DOCK1: variants seen among roughly 807,000 people sequenced by gnomAD.
DOCK1 encodes dedicator of cytokinesis protein 1.
A neutral mutation model predicts 262.7 loss-of-function variants in DOCK1; 138 were observed. The ratio of observed to expected loss-of-function variants is 0.53; its 90% CI spans 0.46 to 0.61. The LOEUF (loss-of-function observed/expected upper bound fraction) is 0.61, where lower values mean the gene tolerates loss of function less well. Ranked by LOEUF, DOCK1 falls within the 20% of genes least tolerant of loss-of-function variation. DOCK1 has a pLI of 0.00. For synonymous variants in DOCK1, 866 were observed against 867.4 expected, an observed-to-expected ratio of 1.00 and a Z score of 0.03; for missense variants, 1,908 against 2,370.7, an observed-to-expected ratio of 0.80 and a Z score of 4.05.
At chr10:127,004,776 C>G (rs1420073857) in intron 10 of DOCK1, among the ~76,000 whole-genome samples, 3 of 132,474 alleles carry the variant, frequency 2.3e-5, no homozygotes, top group Admixed American at 1.5e-4. Context: ...CCCGCCACCC[C>G]CCCGCCCCAA....
At chr10:127,439,705 A>C (rs952090744) in intron 49 of DOCK1, among the ~76,000 whole-genome samples, 4 of 152,148 alleles carry the variant, frequency 2.6e-5, no homozygotes, top group Non-Finnish European at 5.9e-5. Context: ...CAGAAGCTGG[A>C]CCCAGTCCTG....
intron 27 of DOCK1, among the ~76,000 whole-genome samples, chr10:127,156,535 TTTC>T (rs542677102): frequency 0.57 from 53,229 of 93,758 alleles, 18,008 homozygotes; most frequent in Middle Eastern, 0.79. Context: ...CTTTTCTCTT[TTTC>T]TTCTTCTTCT....
At chr10:127,041,351 G>T (rs1041948228) in intron 19 of DOCK1, among the ~76,000 whole-genome samples, 11 of 152,144 alleles carry the variant, frequency 7.2e-5, no homozygotes, top group African/African-American at 2.4e-4. Context: ...GGCCTCCTCA[G>T]CCTCCCAAAG....
intron 2 of DOCK1, among the ~76,000 whole-genome samples, chr10:126,972,392 G>A (rs949602590): frequency 1.3e-4 from 20 of 152,114 alleles, no homozygotes; most frequent in African/African-American, 4.8e-4. Context: ...TGATGGGCTT[G>A]ATTTTTTAAA....
intron 29 of DOCK1, among the ~76,000 whole-genome samples, chr10:127,268,520 A>AAAAAG (rs2060452235): frequency 6.6e-6 from 1 of 151,158 alleles, no homozygotes; most frequent in Non-Finnish European, 1.5e-5. Flanking sequence ...AAAAAAAAAA[A>AAAAAG]AAGAAGAGGA....
intron 23 of DOCK1, among the ~76,000 whole-genome samples, chr10:127,088,795 C>A (rs538736452): frequency 1.3e-5 from 2 of 152,036 alleles, no homozygotes; most frequent in Non-Finnish European, 2.9e-5. Flanking sequence ...TGTATGACTG[C>A]GCCTCCCTCA....
intron 27 of DOCK1, chr10:127,136,340 A>T (rs2050693894): frequency 6.6e-6 from 1 of 152,188 alleles, no homozygotes; most frequent in Non-Finnish European, 1.5e-5. Context: ...TCCTTTTACC[A>T]AGGTTAGCCA....
intron 28 of DOCK1, among the ~76,000 whole-genome samples, chr10:127,256,438 T>C (rs2059827635): frequency 6.6e-6 from 1 of 152,170 alleles, no homozygotes; most frequent in Non-Finnish European, 1.5e-5. Flanking sequence ...GACCATGGCC[T>C]CATTTTTCTA....
intron 47 of DOCK1, among the ~76,000 whole-genome samples, chr10:127,431,883 T>C (rs1051267301): frequency 6.6e-6 from 1 of 152,152 alleles, no homozygotes; most frequent in African/African-American, 2.4e-5. Flanking sequence ...TATCAGTCTG[T>C]GGCCCGTTAG....
chr10:127,390,612 C>G (rs1356565623), intron 38 of DOCK1, among the ~76,000 whole-genome samples: 1 of 152,096 alleles, frequency 6.6e-6, no homozygotes, highest in African/African-American at 2.4e-5. Flanking sequence ...TACAAGCCAA[C>G]GAGAGAGGAC....
At chr10:127,191,562 T>G (rs2056757916) in intron 27 of DOCK1, among the ~76,000 whole-genome samples, 1 of 152,108 alleles carries the variant, frequency 6.6e-6, no homozygotes, top group Non-Finnish European at 1.5e-5. Context: ...ATGTAACCAC[T>G]AAGTACACAT....
intron 1 of DOCK1, among the ~76,000 whole-genome samples, chr10:126,947,293 G>T (rs994521064): frequency 2.0e-4 from 29 of 145,602 alleles, no homozygotes; most frequent in Non-Finnish European, 3.3e-4. Flanking sequence ...GGTGGTGGTT[G>T]GTAGTATTAC....
At chr10:127,438,953 G>C in intron 48 of DOCK1, 74 bp from the exon 49 acceptor site, 1 of 1,407,732 alleles carries the variant, frequency 7.1e-7, no homozygotes, top group South Asian at 1.5e-5. Flanking sequence ...GATGGATTGT[G>C]AGTGACTTTA....
intron 29 of DOCK1, among the ~76,000 whole-genome samples, chr10:127,325,014 A>G (rs561122481): frequency 2.4e-4 from 36 of 152,210 alleles, no homozygotes; most frequent in African/African-American, 8.2e-4. Context: ...CTACACACAC[A>G]CATCCAATCC....
At chr10:127,108,299 A>AT (rs2048659802) in intron 24 of DOCK1, among the ~76,000 whole-genome samples, 1 of 152,076 alleles carries the variant, frequency 6.6e-6, no homozygotes, top group Admixed American at 6.5e-5. Flanking sequence ...AAAAGTCACC[A>AT]TTTTTTGGTT....
At chr10:127,278,006 TG>T (rs1209021345) in intron 29 of DOCK1, among the ~76,000 whole-genome samples, 1 of 152,212 alleles carries the variant, frequency 6.6e-6, no homozygotes, top group Non-Finnish European at 1.5e-5. Context: ...AAAGCAGGTA[TG>T]GAGCACGCAC....
intron 21 of DOCK1, among the ~76,000 whole-genome samples, chr10:127,046,757 C>CAAAAAAAA (rs5788823): frequency 1.4e-5 from 1 of 73,348 alleles, no homozygotes; most frequent in Non-Finnish European, 2.4e-5. Context: ...CACTACGTCT[C>CAAAAAAAA]AAAAAAAAAA....
Position 127,362,127 on chromosome 10 carries a change from C to A in DOCK1, c.3347C>A (p.Pro1116His). 1 of 1,613,698 alleles carries A rather than the reference C, an allele frequency of 6.2e-7. No homozygotes were observed. The highest frequency in any genetic ancestry group is 8.5e-7 in the Non-Finnish European group (1 of 1,179,816). The change falls in exon 33 of 52, where the codon CCC becomes CAC. Residue 1116 changes from proline (P) to histidine (H), a missense_variant. Around this residue, in one of 9 missense-constraint regions of DOCK1, gnomAD observed 518 missense variants for 575.1 expected, o/e 0.90. Coordinates refer to ENST00000623213, the MANE Select transcript of DOCK1 (RefSeq NM_001290223.2). The part of the protein sequence containing the change: ...VGPILEMTLI[P>H]ETELRKATIP... ...CCAATATTAGAAATGACATTAATTCCCGAGACGGAGCTGCGCAAAGCCACC... is the reference window on the plus strand; with the variant it reads ...CCAATATTAGAAATGACATTAATTCACGAGACGGAGCTGCGCAAAGCCACC...
intron 27 of DOCK1, among the ~76,000 whole-genome samples, chr10:127,183,004 A>C (rs188255889): frequency 9.6e-4 from 145 of 151,596 alleles, no homozygotes; most frequent in Admixed American, 9.1e-3. Context: ...TCTCACTCAC[A>C]TGAAAACACA....
Sources: allele counts gnomAD v4.1 joint callset (sites outside exome capture counted in the v4.1 genomes callset), GRCh38; gene constraint gnomAD v4.1.1; regional missense constraint gnomAD v4.1.1; transcripts MANE v1.5; gene names NCBI Gene and HGNC (gene_info 2026-07-23, HGNC 2026-07-21).